The following TPD52L1 variants were observed in gnomAD, a reference collection of about 807,000 sequenced individuals.
TPD52L1 encodes the protein TPD52 like 1, also known as tumor protein D53.
A neutral mutation model predicts 28.7 loss-of-function variants in TPD52L1; 18 were observed. That is an observed-to-expected ratio of 0.63 (90% CI 0.43 to 0.93). The LOEUF is 0.93. TPD52L1 is among the 40% of genes least tolerant of loss of function. TPD52L1 has a pLI of 0.00. For missense variants in TPD52L1, 203 were observed against 254.8 expected (o/e 0.80, Z 1.39); for synonymous variants, 75 against 88.8 (o/e 0.84, Z 0.88).
At chr6:125,252,605 C>T (rs961048045) in intron 4 of TPD52L1, 2 of 152,042 alleles carry the variant, frequency 1.3e-5, no homozygotes, top group Admixed American at 6.5e-5. Context: ...TTCTTTTAGC[C>T]GGAATCTTAT....
chr6:125,248,209 GGAGT>G (rs1797032150), intron 3 of TPD52L1, 69 bp from the exon 4 acceptor site: 4 of 1,190,502 alleles, frequency 3.4e-6, no homozygotes, highest in Non-Finnish European at 4.9e-6. Flanking sequence ...TTCAAAGTAA[GGAGT>G]GAGAAGGAAG....
At position 125,164,856 on chromosome 6, in the gene TPD52L1, A is replaced by G. The variant is rs573877118; in HGVS notation, c.19+10886A>G. 2.0e-5 allele frequency among the ~76,000 whole-genome samples: 3 copies of G among 152,102 alleles called. No homozygotes were observed. The South Asian group carries it at 6.2e-4, about 32-fold the overall frequency. On this transcript the variant is annotated intron_variant, in intron 1 of 6. Transcript: ENST00000534000. ...AGAAAAGAGGGCATCTGCCTCAGTC[A>G]TTGATCAGCTGGCATGCTCTCCATG... is the stretch of plus-strand genomic sequence containing the variant.
chr6:125,239,558 A>G (rs530818410), intron 3 of TPD52L1, among the ~76,000 whole-genome samples: 7 of 152,334 alleles, frequency 4.6e-5, no homozygotes, highest in East Asian at 3.9e-4. Flanking sequence ...CCATGATTCA[A>G]TTATCTCCCA....
At chr6:125,191,663 A>T (rs1198987301) in intron 1 of TPD52L1, among the ~76,000 whole-genome samples, 2 of 152,188 alleles carry the variant, frequency 1.3e-5, no homozygotes, top group Non-Finnish European at 2.9e-5. Flanking sequence ...GTGTAAGACC[A>T]AATGAACTCT....
chr6:125,172,145 TTTCTTTCTTTCTTTTCTTTCTTTCTTTC>T (rs1791403448), intron 1 of TPD52L1, among the ~76,000 whole-genome samples: 24 of 79,074 alleles, frequency 3.0e-4, no homozygotes, highest in Non-Finnish European at 4.6e-4. Context: ...TCTTTCTTTC[TTTCTTTCTTTCTTTTCTTTCTTTCTTTC>T]TTTCTTTCTT....
In TPD52L1 at chr6:125,263,625, G is replaced by T. The variant is rs1798176802; in HGVS notation, c.*663G>T. The T allele has an allele frequency of 6.5e-6, 1 of 152,836 alleles. No homozygotes were observed. Among genetic ancestry groups the T allele is most frequent in the South Asian group, 1.9e-4 (1 of 5,332 alleles). 9.5% of individuals were successfully genotyped at this position (152,836 alleles called of 1,614,324 possible). A position where few individuals can be genotyped will look rare whatever the true frequency, so the allele number is the denominator to read the frequency against. ...TCCCAACTATTTTGGATGCCAAGGTGAGAGGATTGCTTGAGGCCAGGAGTT... is the reference window on the plus strand; with the variant it reads ...TCCCAACTATTTTGGATGCCAAGGTTAGAGGATTGCTTGAGGCCAGGAGTT... On this transcript the variant is annotated 3_prime_UTR_variant, in exon 7 of 7. Transcript: ENST00000534000.
At chr6:125,183,618 C>T (rs1792374098) in intron 1 of TPD52L1, among the ~76,000 whole-genome samples, 1 of 152,286 alleles carries the variant, frequency 6.6e-6, no homozygotes, top group Admixed American at 6.5e-5. Flanking sequence ...CTTCATGACT[C>T]ACCAGGTTCT....
intron 6 of TPD52L1, among the ~76,000 whole-genome samples, chr6:125,258,936 G>C (rs1797757872): frequency 6.6e-6 from 1 of 152,332 alleles, no homozygotes; most frequent in Non-Finnish European, 1.5e-5. Flanking sequence ...ATGCAGAATA[G>C]CTGATAATTA....
At chr6:125,254,141 A>G (rs1031273471) in intron 5 of TPD52L1, among the ~76,000 whole-genome samples, 1 of 152,260 alleles carries the variant, frequency 6.6e-6, no homozygotes, top group African/African-American at 2.4e-5. Context: ...ATTTCCGCAG[A>G]ATTAAATGCT....
intron 3 of TPD52L1, among the ~76,000 whole-genome samples, chr6:125,240,025 G>C (rs1226524053): frequency 6.6e-6 from 1 of 152,134 alleles, no homozygotes; most frequent in African/African-American, 2.4e-5. Context: ...TGAGGATCCA[G>C]TTTCGTTCTT....
intron 1 of TPD52L1, among the ~76,000 whole-genome samples, chr6:125,209,557 C>A (rs1794368250): frequency 6.6e-6 from 1 of 152,176 alleles, no homozygotes; most frequent in Non-Finnish European, 1.5e-5. Context: ...TCTTAATTAC[C>A]AGACCTATCT....
intron 1 of TPD52L1, among the ~76,000 whole-genome samples, chr6:125,210,761 G>A (rs902500124): frequency 2.6e-5 from 4 of 152,148 alleles, no homozygotes; most frequent in African/African-American, 9.7e-5. Flanking sequence ...ATTATTATAT[G>A]CCAGACACTG....
chr6:125,225,660 T>G (rs1311684098), intron 2 of TPD52L1, among the ~76,000 whole-genome samples: 5 of 152,134 alleles, frequency 3.3e-5, no homozygotes, highest in Admixed American at 1.3e-4. Context: ...ATAATTAAAA[T>G]TAAAAGGAAA....
chr6:125,167,220 G>A (rs549168498), intron 1 of TPD52L1, among the ~76,000 whole-genome samples: 19 of 152,204 alleles, frequency 1.2e-4, no homozygotes, highest in East Asian at 5.8e-4. Flanking sequence ...ACTCCAGCCT[G>A]GGTGACAGAG....
intron 3 of TPD52L1, among the ~76,000 whole-genome samples, chr6:125,241,190 T>G (rs564936491): frequency 4.1e-4 from 63 of 152,240 alleles, no homozygotes; most frequent in African/African-American, 1.4e-3. Context: ...TTGATCATGG[T>G]GGATTATATT....
intron 1 of TPD52L1, among the ~76,000 whole-genome samples, chr6:125,218,205 C>A (rs1013446536): frequency 3.3e-5 from 5 of 152,186 alleles, no homozygotes; most frequent in African/African-American, 1.2e-4. Flanking sequence ...TATTTATATT[C>A]TTGCCAGCAG....
intron 3 of TPD52L1, among the ~76,000 whole-genome samples, chr6:125,229,519 A>T (rs1313749148): frequency 2.0e-5 from 3 of 152,244 alleles, no homozygotes; most frequent in Non-Finnish European, 4.4e-5. Context: ...TACTTTCATT[A>T]GGTTTTATTG....
chr6:125,186,211 A>G (rs969182195), intron 1 of TPD52L1, among the ~76,000 whole-genome samples: 12 of 152,158 alleles, frequency 7.9e-5, no homozygotes, highest in African/African-American at 2.7e-4. Flanking sequence ...AACCTAGAGC[A>G]GGGATCTGCA....
intron 4 of TPD52L1, chr6:125,252,267 GCT>G (rs1797317699): frequency 4.2e-6 from 2 of 481,420 alleles, no homozygotes; most frequent in Admixed American, 4.0e-5. Flanking sequence ...CACTTGCTGA[GCT>G]CTCTCTCAGG....
Sources: gnomAD v4.1 joint callset for allele counts (sites outside exome capture counted in the v4.1 genomes callset) on GRCh38, gnomAD v4.1.1 for gene constraint, MANE v1.5 for transcripts, NCBI Gene and HGNC (gene_info 2026-07-23, HGNC 2026-07-21) for gene names.